CPNE8: variants seen among roughly 807,000 people sequenced by gnomAD.
CPNE8 encodes copine-8.
Under a neutral mutation model 81.5 loss-of-function variants are expected in CPNE8, and 45 were observed. The ratio of observed to expected loss-of-function variants is 0.55; its 90% CI spans 0.44 to 0.71. The LOEUF (loss-of-function observed/expected upper bound fraction) is 0.71, where lower values mean the gene tolerates loss of function less well. CPNE8 is among the 30% of genes least tolerant of loss of function. The pLI, the probability that CPNE8 is intolerant of heterozygous loss-of-function variation, is 0.00. For synonymous variants in CPNE8, 252 were observed against 226.3 expected, an observed-to-expected ratio of 1.11 and a Z score of -1.02; for missense variants, 594 against 672.1, an observed-to-expected ratio of 0.88 and a Z score of 1.28.
rs970162033 is a variant in CPNE8, at chr12:38,836,166, C to T, written c.330+3750G>A. ...CAGAACAAACTCAGAATTCAAAATGCCATATTTTGTTCACAGGGCCTAACA... is the reference window on the plus strand; with the variant it reads ...CAGAACAAACTCAGAATTCAAAATGTCATATTTTGTTCACAGGGCCTAACA... On this transcript the variant is annotated intron_variant, in intron 5 of 19. Coordinates refer to ENST00000331366, the MANE Select transcript of CPNE8 (RefSeq NM_153634.3). Among the ~76,000 whole-genome samples the T allele has an allele frequency of 3.3e-5, 5 of 152,020 alleles. No individual in the cohort carries two copies. In the South Asian group the frequency reaches 8.3e-4, roughly 25 times the overall value.
intron 1 of CPNE8, among the ~76,000 whole-genome samples, chr12:38,887,399 A>G (rs777041146): frequency 1.3e-5 from 2 of 152,200 alleles, no homozygotes; most frequent in Non-Finnish European, 2.9e-5. Flanking sequence ...TAAAATAAAT[A>G]TGAATGGAAA....
intron 6 of CPNE8, among the ~76,000 whole-genome samples, chr12:38,790,238 T>C (rs933056370): frequency 6.6e-5 from 10 of 151,690 alleles, no homozygotes; most frequent in African/African-American, 1.9e-4. Flanking sequence ...ATACTGATCA[T>C]AATGGAGTAC....
intron 6 of CPNE8, among the ~76,000 whole-genome samples, chr12:38,789,117 G>A (rs927723639): frequency 1.3e-5 from 2 of 151,672 alleles, no homozygotes; most frequent in Admixed American, 1.3e-4. Flanking sequence ...AATATATATG[G>A]AACCACAAAA....
intron 5 of CPNE8, among the ~76,000 whole-genome samples, chr12:38,837,102 G>A (rs537477793): frequency 4.5e-4 from 69 of 152,164 alleles, no homozygotes; most frequent in African/African-American, 1.5e-3. Flanking sequence ...TACAGGAGAC[G>A]ATGCAATATA....
chr12:38,784,850 A>G (rs770656860), intron 6 of CPNE8, among the ~76,000 whole-genome samples: 5 of 152,224 alleles, frequency 3.3e-5, no homozygotes, highest in Non-Finnish European at 7.3e-5. Context: ...GATTTCATCA[A>G]CACAAGACCT....
chr12:38,871,347 G>T (rs1159611252), intron 3 of CPNE8, among the ~76,000 whole-genome samples: 1 of 152,126 alleles, frequency 6.6e-6, no homozygotes, highest in Non-Finnish European at 1.5e-5. Flanking sequence ...GTTACTTTTT[G>T]GTGCCTGAAG....
chr12:38,864,917 A>C (rs191045577), intron 3 of CPNE8, among the ~76,000 whole-genome samples: 1 of 152,346 alleles, frequency 6.6e-6, no homozygotes, highest in Admixed American at 6.5e-5. Context: ...TTCAAAGAGT[A>C]GAATGCCACA....
At chr12:38,878,390 G>A (rs528020621) in intron 1 of CPNE8, among the ~76,000 whole-genome samples, 11 of 152,074 alleles carry the variant, frequency 7.2e-5, no homozygotes, top group Non-Finnish European at 1.6e-4. Flanking sequence ...TAGATAAGCA[G>A]GAATTTAGCA....
At chr12:38,790,434 G>A (rs1592090876) in intron 6 of CPNE8, among the ~76,000 whole-genome samples, 1 of 151,736 alleles carries the variant, frequency 6.6e-6, no homozygotes, top group Non-Finnish European at 1.5e-5. Flanking sequence ...ATGGTTACTG[G>A]AGGCTGCTGA....
intron 6 of CPNE8, among the ~76,000 whole-genome samples, chr12:38,824,122 T>A (rs1943151256): frequency 6.6e-6 from 1 of 152,180 alleles, no homozygotes; most frequent in South Asian, 2.1e-4. Flanking sequence ...AATCTTAAGC[T>A]GCTATTAAAA....
intron 6 of CPNE8, among the ~76,000 whole-genome samples, chr12:38,806,783 T>G (rs1465714783): frequency 6.7e-6 from 1 of 148,218 alleles, no homozygotes; most frequent in African/African-American, 2.4e-5. Flanking sequence ...AAATAAAGGG[T>G]ATTCAATTAG....
intron 1 of CPNE8, among the ~76,000 whole-genome samples, chr12:38,902,417 A>AAGAAAGAAAGAAAGAGAAAG (rs1166996215): frequency 8.2e-5 from 6 of 72,890 alleles, no homozygotes; most frequent in Non-Finnish European, 1.3e-4. Flanking sequence ...GAAAGAAAGA[A>AAGAAAGAAAGAAAGAGAAAG]AAAGAAAGAA....
At chr12:38,794,209 T>G (rs977803181) in intron 6 of CPNE8, among the ~76,000 whole-genome samples, 1 of 152,166 alleles carries the variant, frequency 6.6e-6, no homozygotes, top group African/African-American at 2.4e-5. Flanking sequence ...GGGCCTGCAT[T>G]AAGTTTAAGA....
chr12:38,813,174 T>A (rs1314635298), intron 6 of CPNE8, among the ~76,000 whole-genome samples: 3 of 152,198 alleles, frequency 2.0e-5, no homozygotes, highest in Non-Finnish European at 4.4e-5. Context: ...GAAAGGGGGC[T>A]GAATTTTATA....
intron 10 of CPNE8, among the ~76,000 whole-genome samples, chr12:38,731,604 C>G (rs1940832364): frequency 6.6e-6 from 1 of 151,984 alleles, no homozygotes; most frequent in African/African-American, 2.4e-5. Context: ...AAACATTACT[C>G]TTTATATCAA....
chr12:38,900,615 T>C (rs1290111025), intron 1 of CPNE8, among the ~76,000 whole-genome samples: 2 of 151,902 alleles, frequency 1.3e-5, no homozygotes, highest in African/African-American at 2.4e-5. Flanking sequence ...GGAAGGGAGG[T>C]AGGGCAGGGC....
chr12:38,754,238 A>C (rs1196605824), intron 10 of CPNE8, among the ~76,000 whole-genome samples: 1 of 152,202 alleles, frequency 6.6e-6, no homozygotes, highest in Non-Finnish European at 1.5e-5. Flanking sequence ...ACAAACACCA[A>C]AACTGCACAG....
At chr12:38,676,158 G>A (rs1387791743) in intron 17 of CPNE8, 8 of 471,772 alleles carry the variant, frequency 1.7e-5, no homozygotes, top group Non-Finnish European at 2.2e-5. Flanking sequence ...TAATTAAGAA[G>A]CAAATATAAC....
intron 13 of CPNE8, among the ~76,000 whole-genome samples, chr12:38,705,117 A>G (rs548624800): frequency 1.3e-4 from 20 of 151,988 alleles, no homozygotes; most frequent in Non-Finnish European, 2.2e-4. Context: ...ATAATTTTTA[A>G]TTAAAAAGTA....
Sources: gnomAD v4.1 joint callset for allele counts (sites outside exome capture counted in the v4.1 genomes callset) on GRCh38, gnomAD v4.1.1 for gene constraint, MANE v1.5 for transcripts, NCBI Gene and HGNC (gene_info 2026-07-23, HGNC 2026-07-21) for gene names.